Variants in SLC22A23 observed in about 807,000 individuals in gnomAD.
The protein encoded by SLC22A23 is ion transporter protein.
Under a neutral mutation model 61.0 loss-of-function variants are expected in SLC22A23, and 26 were observed. That is an observed-to-expected ratio of 0.43 (90% CI 0.31 to 0.59). SLC22A23 has a LOEUF of 0.59. SLC22A23 is among the 20% of genes least tolerant of loss of function. SLC22A23 has a pLI of 0.11. For synonymous variants in SLC22A23, 430 were observed against 413.9 expected (o/e 1.04, Z -0.47); for missense variants, 796 against 934.7 (o/e 0.85, Z 1.94).
chr6:3,289,378 G>A (rs950225131), intron 6 of SLC22A23, among the ~76,000 whole-genome samples: 3 of 152,372 alleles, frequency 2.0e-5, no homozygotes, highest in South Asian at 4.1e-4. Flanking sequence ...CAGGAAGGGC[G>A]GGGCCGGCTA....
chr6:3,311,619 C>T (rs75558779), intron 4 of SLC22A23: 3 of 152,258 alleles, frequency 2.0e-5, no homozygotes, highest in East Asian at 3.9e-4. Context: ...ATCATGAAAT[C>T]GAATAAAGAT....
Position 3,297,833 on chromosome 6 carries a change from T to C in SLC22A23, c.1210+258A>G, listed in dbSNP as rs185937877. Among the ~76,000 whole-genome samples the C allele has an allele frequency of 2.5e-4, 38 of 152,304 alleles. No homozygotes were observed. The highest frequency in any genetic ancestry group is 7.2e-4 in the African/African-American group (30 of 41,562). On this transcript the variant is annotated intron_variant, in intron 5 of 9. Coordinates refer to ENST00000406686, the MANE Select transcript of SLC22A23 (RefSeq NM_015482.2). This position sits in a 1 kb window ranked among gnomAD's most constrained non-coding sequence, Gnocchi z 4.3. The stretch of plus-strand genomic sequence containing the variant: ...CAGATATTCCCTTGAGCAGTGTATA[T>C]TGGGCTCATGGCTCGCTTCTGCATT...
At position 3,410,390 on chromosome 6, in the gene SLC22A23, A is replaced by G. The variant is rs1769138451; in HGVS notation, c.759-48T>C. ...TTAGGAATCATTGTGAAACAAGACA[A>G]TGACGCTAGATGCTGAAACCCGGTG... On this transcript the variant is annotated intron_variant, in intron 2 of 9. Transcript: ENST00000406686. This position sits in a 1 kb window ranked among gnomAD's most constrained non-coding sequence, Gnocchi z 5.0. 2 of 1,516,204 alleles carry G rather than the reference A, an allele frequency of 1.3e-6. No individual in the cohort carries two copies. Among genetic ancestry groups the G allele is most frequent in the Non-Finnish European group, 1.8e-6 (2 of 1,129,356 alleles). The allele number at this position is 1,516,204 out of a possible 1,614,324, so 93.9% of individuals were successfully genotyped here. A position where few individuals can be genotyped will look rare whatever the true frequency, so the allele number is the denominator to read the frequency against.
At chr6:3,275,801 C>CT (rs1417551714) in intron 9 of SLC22A23, among the ~76,000 whole-genome samples, 3 of 152,222 alleles carry the variant, frequency 2.0e-5, no homozygotes, top group Non-Finnish European at 2.9e-5. Flanking sequence ...CCAGGGTGGT[C>CT]TTGATCTCCT....
intron 3 of SLC22A23, among the ~76,000 whole-genome samples, chr6:3,374,922 C>T (rs374065453): frequency 1.3e-5 from 2 of 152,260 alleles, no homozygotes; most frequent in African/African-American, 4.8e-5. Flanking sequence ...TGGGTGGTGG[C>T]TGTGGTTTTT....
At chr6:3,280,708 A>G (rs1759390618) in intron 9 of SLC22A23, among the ~76,000 whole-genome samples, 1 of 151,974 alleles carries the variant, frequency 6.6e-6, no homozygotes. Flanking sequence ...CGTGTTAGCC[A>G]GATCCTCTCG....
In SLC22A23 at chr6:3,333,745, T is replaced by G. The variant is rs1158423874; in HGVS notation, c.914-9743A>C. Among the ~76,000 whole-genome samples the G allele has an allele frequency of 6.6e-6, 1 of 152,188 alleles. No homozygotes were observed. Among genetic ancestry groups the G allele is most frequent in the African/African-American group, 2.4e-5 (1 of 41,458 alleles). ...TGGTTTGCAAGTGTGGCCCCAGACCTGCAGCAGCAGCCTCACCTGGGGCCA... is the reference window on the plus strand; with the variant it reads ...TGGTTTGCAAGTGTGGCCCCAGACCGGCAGCAGCAGCCTCACCTGGGGCCA... On this transcript the variant is annotated intron_variant, in intron 3 of 9. Transcript: ENST00000406686. This position sits in a 1 kb window ranked among gnomAD's most constrained non-coding sequence, Gnocchi z 4.1.
At chr6:3,292,103 G>A (rs759231255) in intron 5 of SLC22A23, 19 of 152,266 alleles carry the variant, frequency 1.2e-4, no homozygotes, top group South Asian at 6.2e-4. Context: ...CCCATGTCTG[G>A]CAGAGTCACT....
intron 3 of SLC22A23, among the ~76,000 whole-genome samples, chr6:3,335,798 T>A (rs1763818281): frequency 2.0e-5 from 3 of 152,148 alleles, no homozygotes. Context: ...CTGACTGAAA[T>A]CTGGACTCAG....
chr6:3,422,165 AAAAC>A (rs1429126139), intron 1 of SLC22A23, among the ~76,000 whole-genome samples: 1 of 152,238 alleles, frequency 6.6e-6, no homozygotes, highest in Non-Finnish European at 1.5e-5. Context: ...AAGCTTAAGT[AAAAC>A]AAAGTTCCTG....
chr6:3,280,673 A>G (rs1406609658), intron 9 of SLC22A23, among the ~76,000 whole-genome samples: 1 of 150,792 alleles, frequency 6.6e-6, no homozygotes, highest in Non-Finnish European at 1.5e-5. Flanking sequence ...TTTTTTTTGT[A>G]TTTTTAGTAG....
intron 1 of SLC22A23, among the ~76,000 whole-genome samples, chr6:3,440,946 C>G (rs1162897231): frequency 1.3e-5 from 2 of 152,236 alleles, no homozygotes; most frequent in African/African-American, 2.4e-5. Context: ...GGGAGGTCAA[C>G]TGAAATTCCT....
chr6:3,280,512 T>TTTTAC (rs781526188), intron 9 of SLC22A23, among the ~76,000 whole-genome samples: 2 of 98,328 alleles, frequency 2.0e-5, no homozygotes, highest in Non-Finnish European at 2.0e-5. Flanking sequence ...TTTTTTTTTT[T>TTTTAC]TGAGATGGAG....
chr6:3,430,407 C>T (rs1448986591), intron 1 of SLC22A23, among the ~76,000 whole-genome samples: 1 of 152,176 alleles, frequency 6.6e-6, no homozygotes, highest in East Asian at 1.9e-4. Context: ...GCAGGCCACC[C>T]CAAGCTCTTA....
Position 3,327,675 on chromosome 6 carries a change from T to C in SLC22A23, c.914-3673A>G, listed in dbSNP as rs1028993645. Among the ~76,000 whole-genome samples, 3 of 152,200 alleles carry C rather than the reference T, an allele frequency of 2.0e-5. No homozygotes were observed. Among genetic ancestry groups the C allele is most frequent in the African/African-American group, 7.2e-5 (3 of 41,452 alleles). The stretch of plus-strand genomic sequence containing the variant: ...GGGGTGTTGTGAGCACTAAACAGCA[T>C]ATAGTGCTAGAACATAGGTGCTATG... On this transcript the variant is annotated intron_variant, in intron 3 of 9. Transcript: ENST00000406686. The surrounding 1 kb of genome is among the most constrained non-coding windows in gnomAD (Gnocchi z 4.1).
At chr6:3,455,500 G>A (rs149310790) in intron 1 of SLC22A23, among the ~76,000 whole-genome samples, 107 of 152,302 alleles carry the variant, frequency 7.0e-4, no homozygotes, top group African/African-American at 2.4e-3. Flanking sequence ...AATCAAGTGC[G>A]AGATGGAAGA....
chr6:3,274,356 T>G (rs1042288636), intron 9 of SLC22A23, among the ~76,000 whole-genome samples: 14 of 152,120 alleles, frequency 9.2e-5, no homozygotes, highest in African/African-American at 3.4e-4. Context: ...GGGGCCTCAT[T>G]GAAGGAGGTA....
intron 3 of SLC22A23, among the ~76,000 whole-genome samples, chr6:3,402,793 G>A (rs963866066): frequency 5.3e-5 from 8 of 152,226 alleles, no homozygotes; most frequent in Admixed American, 4.6e-4. Flanking sequence ...GCAGGAGCAC[G>A]TACTTGCCTC....
chr6:3,399,268 C>T lies in SLC22A23; in HGVS notation c.913+10920G>A, dbSNP rs138655786. ...ATAAAATGTGCAAAACAAGGCACTGCCCATCATTTCACCCCAAATATTTTC... is the reference window on the plus strand; with the variant it reads ...ATAAAATGTGCAAAACAAGGCACTGTCCATCATTTCACCCCAAATATTTTC... On this transcript the variant is annotated intron_variant, in intron 3 of 9. Transcript: ENST00000406686. Among the ~76,000 whole-genome samples, 94 of 152,296 alleles carry T rather than the reference C, an allele frequency of 6.2e-4. 1 individual carries two copies. The highest frequency in any genetic ancestry group is 2.5e-3 in the Admixed American group (38 of 15,296).
Sources: gnomAD v4.1 joint callset for allele counts (sites outside exome capture counted in the v4.1 genomes callset) on GRCh38, gnomAD v4.1.1 for gene constraint, Gnocchi (gnomAD v3.1) non-coding constraint, MANE v1.5 for transcripts, NCBI Gene and HGNC (gene_info 2026-07-23, HGNC 2026-07-21) for gene names.